The following CCSER2 variants were observed in gnomAD, a reference collection of about 807,000 sequenced individuals.
CCSER2 encodes coiled-coil serine rich protein 2, also known as serine-rich coiled-coil domain-containing protein 2.
A neutral mutation model predicts 92.3 loss-of-function variants in CCSER2; 46 were observed. That is an observed-to-expected ratio of 0.50 (90% CI 0.39 to 0.64). CCSER2 has a LOEUF of 0.64. Ranked by LOEUF, CCSER2 falls within the 30% of genes least tolerant of loss-of-function variation. The probability of loss-of-function intolerance (pLI) is 0.00; values close to 1 mark genes in which losing one functional copy is unlikely to be tolerated. For missense variants in CCSER2, 1,244 were observed against 1,238.9 expected, an observed-to-expected ratio of 1.00 and a Z score of -0.06; for synonymous variants, 433 against 431.4, an observed-to-expected ratio of 1.00 and a Z score of -0.04.
At chr10:84,400,363 G>T (rs536160951) in intron 3 of CCSER2, among the ~76,000 whole-genome samples, 1 of 152,154 alleles carries the variant, frequency 6.6e-6, no homozygotes, top group East Asian at 1.9e-4. Flanking sequence ...AAAAGTCGGG[G>T]TTTTGCTATG....
intron 1 of CCSER2, among the ~76,000 whole-genome samples, chr10:84,342,648 C>T (rs1383094479): frequency 6.6e-6 from 1 of 152,198 alleles, no homozygotes; most frequent in Non-Finnish European, 1.5e-5. Flanking sequence ...ACCTTTCATG[C>T]AGCAAAACCT....
In CCSER2 at chr10:84,517,297, T is replaced by A. The variant is rs1849628361; in HGVS notation, c.*3030T>A. On this transcript the variant is annotated 3_prime_UTR_variant, in exon 10 of 10. Coordinates refer to ENST00000372088, the MANE Select transcript of CCSER2 (RefSeq NM_001284240.2). Reference sequence around the variant, plus strand: ...AAAAGAAGGCTTGGCCTAAGGAGTTTATTGGTACAGGTGCAGATGATTTTA... The same window carrying A: ...AAAAGAAGGCTTGGCCTAAGGAGTTAATTGGTACAGGTGCAGATGATTTTA... 6.6e-6 allele frequency: 1 copy of A among 152,640 alleles called. No individual in the cohort carries two copies. Among genetic ancestry groups the A allele is most frequent in the Non-Finnish European group, 1.5e-5 (1 of 68,026 alleles). 9.5% of individuals were successfully genotyped at this position (152,640 alleles called of 1,614,324 possible). A position where few individuals can be genotyped will look rare whatever the true frequency, so the allele number is the denominator to read the frequency against.
intron 1 of CCSER2, among the ~76,000 whole-genome samples, chr10:84,354,250 CT>C (rs536114225): frequency 1.3e-3 from 194 of 145,834 alleles, no homozygotes; most frequent in African/African-American, 4.0e-3. Flanking sequence ...TCTCAAGTTA[CT>C]TTTTTTTTTT....
intron 6 of CCSER2, chr10:84,456,164 T>G (rs907327444): frequency 6.7e-5 from 19 of 282,074 alleles, no homozygotes; most frequent in Middle Eastern, 1.3e-3. Flanking sequence ...CTGCATGAAT[T>G]CAGTGTACAG....
intron 3 of CCSER2, chr10:84,390,869 A>G (rs1841481928): frequency 3.2e-6 from 2 of 631,346 alleles, no homozygotes; most frequent in Non-Finnish European, 3.0e-6. Flanking sequence ...ACACAGTATA[A>G]ATATTCTAAG....
intron 7 of CCSER2, 116 bp from the exon 8 acceptor site, chr10:84,470,256 G>A: frequency 2.0e-6 from 1 of 510,094 alleles, no homozygotes; most frequent in Non-Finnish European, 2.9e-6. Context: ...TTTTAATAGA[G>A]GATTTCCCCC....
chr10:84,474,700 A>G (rs1847031968), intron 8 of CCSER2, among the ~76,000 whole-genome samples: 1 of 150,972 alleles, frequency 6.6e-6, no homozygotes, highest in Admixed American at 6.6e-5. Flanking sequence ...AGTACTGACC[A>G]TATAGGGTTA....
intron 9 of CCSER2, among the ~76,000 whole-genome samples, chr10:84,505,168 T>G (rs1447168748): frequency 6.6e-6 from 1 of 152,186 alleles, no homozygotes; most frequent in Non-Finnish European, 1.5e-5. Flanking sequence ...AAATATTTCT[T>G]GAAATTAACA....
intron 3 of CCSER2, among the ~76,000 whole-genome samples, chr10:84,379,695 G>T (rs939712780): frequency 1.3e-5 from 2 of 152,066 alleles, no homozygotes; most frequent in Non-Finnish European, 2.9e-5. Context: ...ATATATCCAT[G>T]AACAATATAC....
intron 1 of CCSER2, among the ~76,000 whole-genome samples, chr10:84,362,714 T>C (rs1181295806): frequency 6.6e-6 from 1 of 152,208 alleles, no homozygotes; most frequent in Non-Finnish European, 1.5e-5. Flanking sequence ...GTGTTGAGCA[T>C]GGCATGTCCT....
chr10:84,385,610 A>G (rs921152501), intron 3 of CCSER2, among the ~76,000 whole-genome samples: 10 of 152,238 alleles, frequency 6.6e-5, no homozygotes, highest in Non-Finnish European at 1.2e-4. Flanking sequence ...ATTAAGATGG[A>G]TTAAAGACTT....
intron 2 of CCSER2, among the ~76,000 whole-genome samples, chr10:84,373,236 A>G (rs921503841): frequency 6.6e-6 from 1 of 152,132 alleles, no homozygotes; most frequent in African/African-American, 2.4e-5. Context: ...TAGGGAGGCA[A>G]TTATGAGTAC....
rs1374376913 is a variant in CCSER2 at position 84,514,014 on chromosome 10, C to T, written c.2891C>T (p.Thr964Ile). 1 of 1,536,622 alleles carries T rather than the reference C, an allele frequency of 6.5e-7. No homozygotes were observed. The highest frequency in any genetic ancestry group is 2.0e-5 in the Admixed American group (1 of 51,006). ...TGTAATTCAGCAAAACTTCAGCCAA[C>T]ATCTAGTCAAACAAATCTTGCAAAT... ...TTCNSAKLQP[T>I]SSQTNLANNQ... Residue 964 changes from threonine (T) to isoleucine (I), a missense_variant, in exon 10 of 10, where the codon ACA becomes ATA. Physicochemically the swap from Thr to Ile is moderately conservative, Grantham distance 89. Coordinates refer to ENST00000372088, the MANE Select transcript of CCSER2 (RefSeq NM_001284240.2).
intron 6 of CCSER2, among the ~76,000 whole-genome samples, chr10:84,442,321 T>G (rs1564668227): frequency 6.6e-6 from 1 of 152,118 alleles, no homozygotes; most frequent in Non-Finnish European, 1.5e-5. Context: ...TGTATATTGA[T>G]TTGGACAGAT....
At chr10:84,477,109 G>A (rs1163909429) in intron 8 of CCSER2, among the ~76,000 whole-genome samples, 2 of 152,172 alleles carry the variant, frequency 1.3e-5, no homozygotes, top group Admixed American at 1.3e-4. Flanking sequence ...TTCTGCAGTT[G>A]TATTCTTTAT....
intron 6 of CCSER2, chr10:84,455,546 G>C: frequency 2.6e-6 from 1 of 387,640 alleles, no homozygotes; most frequent in Non-Finnish European, 4.9e-6. Context: ...AAAGTGCTGG[G>C]ATTACAGGCG....
intron 9 of CCSER2, among the ~76,000 whole-genome samples, chr10:84,485,471 C>T (rs150597187): frequency 1.3e-5 from 2 of 152,278 alleles, no homozygotes; most frequent in South Asian, 4.1e-4. Context: ...TAGTATCTTA[C>T]AGTGTTGAAC....
At chr10:84,451,762 A>G (rs1224334505) in intron 6 of CCSER2, among the ~76,000 whole-genome samples, 1 of 152,244 alleles carries the variant, frequency 6.6e-6, no homozygotes, top group African/African-American at 2.4e-5. Flanking sequence ...ATATATAACA[A>G]CATTCCAGTT....
intron 9 of CCSER2, among the ~76,000 whole-genome samples, chr10:84,491,275 A>G (rs1848147323): frequency 6.6e-6 from 1 of 152,226 alleles, no homozygotes; most frequent in Non-Finnish European, 1.5e-5. Flanking sequence ...GCTATCAGAC[A>G]GGGACATTTA....
Sources: gnomAD v4.1 joint callset for allele counts (sites outside exome capture counted in the v4.1 genomes callset) on GRCh38, gnomAD v4.1.1 for gene constraint, MANE v1.5 for transcripts, NCBI Gene and HGNC (gene_info 2026-07-23, HGNC 2026-07-21) for gene names.